Variants in DUSP15 observed in about 807,000 individuals in gnomAD.
DUSP15 encodes dual specificity protein phosphatase 15.
Under a neutral mutation model 26.3 loss-of-function variants are expected in DUSP15, and 23 were observed. The observed-to-expected ratio is 0.87, with a 90% CI of 0.63 to 1.24. DUSP15 has a LOEUF of 1.24. Ranked by LOEUF, DUSP15 falls within the 50% of genes most tolerant of loss-of-function variation. The pLI is 0.00. For missense variants in DUSP15, 364 were observed against 320.6 expected (o/e 1.14, Z -1.03); for synonymous variants, 143 against 135.5 (o/e 1.06, Z -0.39).
chr20:31,849,554 C>T (rs2062428945), intron 8 of DUSP15: 3 of 1,007,896 alleles, frequency 3.0e-6, no homozygotes, highest in Non-Finnish European at 3.2e-6. Flanking sequence ...GAGGAAGCCG[C>T]GTGTGTTCAG....
downstream of DUSP15, among the ~76,000 whole-genome samples, chr20:31,856,689 G>A (rs1020555575): frequency 6.6e-6 from 1 of 152,042 alleles, no homozygotes; most frequent in Non-Finnish European, 1.5e-5. Flanking sequence ...TGAGGTGCTC[G>A]GGGGCCATCC....
downstream of DUSP15, among the ~76,000 whole-genome samples, chr20:31,846,694 G>A (rs2062381954): frequency 6.6e-6 from 1 of 152,126 alleles, no homozygotes; most frequent in South Asian, 2.1e-4. Flanking sequence ...GGTAAGGAGA[G>A]CCCATGAAAT....
At chr20:31,856,664 G>A (rs903117294), downstream of DUSP15, among the ~76,000 whole-genome samples, 3 of 152,100 alleles carry the variant, frequency 2.0e-5, no homozygotes, top group African/African-American at 7.2e-5. Flanking sequence ...TGTGATGTTT[G>A]GGGTGTGTTG....
chr20:31,870,518 G>C lies in DUSP15; in HGVS notation c.-181C>G. ...CCACCGCCCGCCGACCCCCGGCCCG[G>C]GAGGGAAATGGTGGTGGAGCCGCCG... On this transcript the variant is annotated 5_prime_UTR_variant, in exon 1 of 7. Coordinates refer to ENST00000339738, the MANE Select transcript of DUSP15 (RefSeq NM_080611.5). This position sits in a 1 kb window ranked among gnomAD's most constrained non-coding sequence, Gnocchi z 6.6. 7.0e-7 allele frequency: 1 copy of C among 1,433,310 alleles called. No homozygotes were observed. The highest frequency in any genetic ancestry group is 9.1e-7 in the Non-Finnish European group (1 of 1,096,630). The allele number at this position is 1,433,310 out of a possible 1,614,324, so 88.8% of individuals were successfully genotyped here.
chr20:31,862,703 C>T lies in DUSP15; in HGVS notation c.303G>A (p.Ala101=), dbSNP rs371251602. ...GISRSTTIVT[A]YVMTVTGLGW... is the part of the protein sequence containing the mutation. ...CTAGCCCCGTCACAGTCATCACATACGCTGTCACAATCGTGGTGCTGCGAG... is the reference window on the plus strand; with the variant it reads ...CTAGCCCCGTCACAGTCATCACATATGCTGTCACAATCGTGGTGCTGCGAG... The change falls in exon 6 of 7, where the codon GCG becomes GCA. Residue 101 remains alanine, a synonymous_variant. Transcript: ENST00000339738. 31 of 1,613,288 alleles carry T rather than the reference C, an allele frequency of 1.9e-5. No individual in the cohort carries two copies. Among genetic ancestry groups the T allele is most frequent in the Middle Eastern group, 1.6e-4 (1 of 6,080 alleles).
chr20:31,848,079 A>T, exon 10 of DUSP15: 1 of 307,912 alleles, frequency 3.2e-6, no homozygotes, highest in Non-Finnish European at 6.0e-6. Context: ...TAATGGACTC[A>T]ACAGCAGGTT....
At chr20:31,867,647 T>A (rs987291819) in intron 2 of DUSP15, among the ~76,000 whole-genome samples, 1 of 136,564 alleles carries the variant, frequency 7.3e-6, no homozygotes, top group African/African-American at 2.8e-5. Context: ...TTTTTTTTTT[T>A]TTTTTTTTTT....
chr20:31,861,408 T>G lies in DUSP15; in HGVS notation c.703A>C (p.Lys235Gln). The G allele has an allele frequency of 6.4e-7, 1 of 1,552,382 alleles. No individual in the cohort carries two copies. Among genetic ancestry groups the G allele is most frequent in the Non-Finnish European group, 8.6e-7 (1 of 1,159,100 alleles). ...GCCACGGCTGGACTGCATCCTCACT[T>G]GCCGCCCTTGCGGGACAGACACCGG... ...LPRCLSRKGG[K>Q] Residue 235 changes from lysine (K) to glutamine (Q), a missense_variant, in exon 7 of 7, where the codon AAG (lysine) becomes CAG (glutamine). Physicochemically the swap from Lys to Gln is moderately conservative, Grantham distance 53 (BLOSUM62 1). Coordinates refer to ENST00000339738, the MANE Select transcript of DUSP15 (RefSeq NM_080611.5).
intron 7 of DUSP15, chr20:31,850,576 A>T (rs368331678): frequency 1.3e-4 from 207 of 1,594,148 alleles, no homozygotes; most frequent in Non-Finnish European, 1.7e-4. Flanking sequence ...CCAGTTCAGC[A>T]CACTGGTCGG....
chr20:31,854,370 G>T lies in DUSP15; in HGVS notation c.427-3694C>A, dbSNP rs193163158. Among the ~76,000 whole-genome samples the T allele has an allele frequency of 4.6e-5, 7 of 152,298 alleles. No homozygotes were observed. The East Asian group carries it at 5.8e-4, about 13-fold the overall frequency. The stretch of plus-strand genomic sequence containing the variant: ...ACCTAACCTCGTGAGGTTGGGGTGG[G>T]TATAAGATGAGCTGGTGCATGTAAA... On this transcript the variant is annotated intron_variant, in intron 6 of 9. Coordinates refer to the DUSP15 transcript ENST00000278979.
At chr20:31,869,044 C>A (rs1173869878) in intron 2 of DUSP15, among the ~76,000 whole-genome samples, 2 of 152,198 alleles carry the variant, frequency 1.3e-5, no homozygotes, top group Non-Finnish European at 2.9e-5. Context: ...CATGACCCTG[C>A]TCACAAGAAG....
At chr20:31,865,729 C>T (rs1467012803) in intron 3 of DUSP15, among the ~76,000 whole-genome samples, 1 of 152,168 alleles carries the variant, frequency 6.6e-6, no homozygotes, top group Non-Finnish European at 1.5e-5. Context: ...ACTCACATTC[C>T]CCAAGGTCAT....
At chr20:31,848,318 G>A (rs1316277062) in exon 10 of DUSP15, 7 of 1,422,618 alleles carry the variant, frequency 4.9e-6, no homozygotes, top group Non-Finnish European at 4.7e-6. Context: ...AGACCTGGGT[G>A]ATGTGCCGGG....
At chr20:31,848,230 G>A in exon 10 of DUSP15, 1 of 585,140 alleles carries the variant, frequency 1.7e-6, no homozygotes, top group Middle Eastern at 4.5e-4. Flanking sequence ...CCAGCTGGGG[G>A]GCGGTGTGGC....
At chr20:31,850,547 C>T in intron 7 of DUSP15, 3 of 1,513,622 alleles carry the variant, frequency 2.0e-6, no homozygotes, top group Non-Finnish European at 1.8e-6. Flanking sequence ...GGTGGGCTGG[C>T]CCCACCCCGC....
At chr20:31,851,759 G>T (rs2062473944) in intron 6 of DUSP15, among the ~76,000 whole-genome samples, 1 of 152,128 alleles carries the variant, frequency 6.6e-6, no homozygotes, top group East Asian at 1.9e-4. Flanking sequence ...AACACACTCA[G>T]CAGGTCTGAC....
At chr20:31,852,962 A>C (rs1251472787) in intron 6 of DUSP15, among the ~76,000 whole-genome samples, 1 of 152,150 alleles carries the variant, frequency 6.6e-6, no homozygotes, top group East Asian at 1.9e-4. Context: ...GCCCTTGTGC[A>C]CCATCCAGGC....
chr20:31,856,292 G>C (rs1021533349), downstream of DUSP15, among the ~76,000 whole-genome samples: 1 of 152,172 alleles, frequency 6.6e-6, no homozygotes, highest in African/African-American at 2.4e-5. Context: ...GGCCAGGGAG[G>C]GGCAGTTCAT....
Position 31,867,123 on chromosome 20 carries a change from T to C in DUSP15, c.86A>G (p.Asn29Ser), listed in dbSNP as rs762655327. The C allele has an allele frequency of 6.3e-7, 1 of 1,591,930 alleles. No individual in the cohort carries two copies. Among genetic ancestry groups the C allele is most frequent in the East Asian group, 2.3e-5 (1 of 44,060 alleles). ...GATAGAGATGATGTGTGTGATCTTA[T>C]TTCGGCCCAGCTGATCCAGGTCTTT... Reference protein sequence around the residue: ...DAKDLDQLGRNKITHIISIHE... With the variant: ...DAKDLDQLGRSKITHIISIHE... The change falls in exon 3 of 7, where the codon AAT (asparagine) becomes AGT (serine). Residue 29 changes from asparagine to serine, a missense_variant. Physicochemically the swap from Asn to Ser is conservative, Grantham distance 46. Coordinates refer to ENST00000339738, the MANE Select transcript of DUSP15 (RefSeq NM_080611.5).
Sources: allele counts gnomAD v4.1 joint callset (sites outside exome capture counted in the v4.1 genomes callset), GRCh38; gene constraint gnomAD v4.1.1; non-coding constraint Gnocchi (gnomAD v3.1); transcripts MANE v1.5; gene names NCBI Gene and HGNC (gene_info 2026-07-23, HGNC 2026-07-21).